The following NFIC variants were observed in gnomAD, a reference collection of about 807,000 sequenced individuals.
The protein encoded by NFIC is nuclear factor I C, also known as nuclear factor 1 C-type.
A neutral mutation model predicts 54.4 loss-of-function variants in NFIC; 12 were observed. The ratio of observed to expected loss-of-function variants is 0.22; its 90% CI spans 0.14 to 0.36. The LOEUF is 0.36. Among genes scored for constraint, NFIC ranks in the 10% least tolerant of loss-of-function variants. NFIC has a pLI of 1.00. For synonymous variants in NFIC, 322 were observed against 319.2 expected (o/e 1.01, Z -0.09); for missense variants, 575 against 718.2 (o/e 0.80, Z 2.28).
chr19:3,397,484 G>A (rs952837209), intron 2 of NFIC, among the ~76,000 whole-genome samples: 1 of 152,192 alleles, frequency 6.6e-6, no homozygotes, highest in African/African-American at 2.4e-5. Context: ...CTGGACCTGG[G>A]GAATCAGGGA....
intron 1 of NFIC, among the ~76,000 whole-genome samples, chr19:3,367,187 C>T (rs1238461950): frequency 6.6e-6 from 1 of 152,206 alleles, no homozygotes; most frequent in Non-Finnish European, 1.5e-5. Context: ...GCCGCCCTGG[C>T]CCTCGGTCGC....
chr19:3,374,514 C>CA (rs1460242745), intron 1 of NFIC, among the ~76,000 whole-genome samples: 5 of 152,172 alleles, frequency 3.3e-5, no homozygotes, highest in Non-Finnish European at 7.3e-5. Flanking sequence ...ACCTTACTGT[C>CA]ACCCAGCCAC....
intron 1 of NFIC, among the ~76,000 whole-genome samples, chr19:3,373,616 G>GGCC (rs1181448405): frequency 1.8e-5 from 2 of 112,342 alleles, no homozygotes; most frequent in Non-Finnish European, 3.8e-5. Context: ...GACCTTCCTG[G>GGCC]ACCCCCCCCC....
In NFIC at chr19:3,465,902, A is replaced by C. The variant is rs2082712213; in HGVS notation, c.*3133A>C. 8 of 144,254 alleles carry C rather than the reference A, an allele frequency of 5.5e-5. No individual in the cohort carries two copies. Among genetic ancestry groups the C allele is most frequent in the African/African-American group, 1.3e-4 (5 of 38,354 alleles). 8.9% of individuals were successfully genotyped at this position (144,254 alleles called of 1,614,324 possible). On this transcript the variant is annotated 3_prime_UTR_variant, in exon 11 of 11. Transcript: ENST00000443272. ...CCTCTCCCCTGCCCCGTGCATCCCC[A>C]CCCTTCTTGCCAAAGGACCTCTTTT...
chr19:3,456,762 C>T, intron 10 of NFIC, 127 bp downstream of exon 10: 1 of 922,618 alleles, frequency 1.1e-6, no homozygotes, highest in South Asian at 1.5e-5. Context: ...GCCAGCCTCC[C>T]ACACCCCACC....
In NFIC at chr19:3,429,550, C is replaced by T. The variant is rs546776343; in HGVS notation, c.635-3968C>T. Among the ~76,000 whole-genome samples the T allele has an allele frequency of 1.2e-4, 19 of 152,262 alleles. 1 individual carries two copies. In the South Asian group the frequency reaches 3.9e-3, roughly 32 times the overall value. On this transcript the variant is annotated intron_variant, in intron 3 of 10. Transcript: ENST00000443272. The stretch of plus-strand genomic sequence containing the variant: ...AGGCTGCAGTGAGCTATGATTGCAC[C>T]GCTGCACTCGAGCCTGGGCAACAGA...
At chr19:3,409,489 A>G (rs890365422) in intron 2 of NFIC, among the ~76,000 whole-genome samples, 3 of 151,896 alleles carry the variant, frequency 2.0e-5, no homozygotes, top group Non-Finnish European at 2.9e-5. Flanking sequence ...CTCCCTCCCC[A>G]CTTCCTTCTC....
At chr19:3,401,684 T>G (rs1194201823) in intron 2 of NFIC, among the ~76,000 whole-genome samples, 1 of 151,962 alleles carries the variant, frequency 6.6e-6, no homozygotes, top group Non-Finnish European at 1.5e-5. Context: ...GTCCCAGCCC[T>G]AACCCAGGTA....
At chr19:3,441,457 G>C (rs2082292487) in intron 6 of NFIC, among the ~76,000 whole-genome samples, 1 of 152,252 alleles carries the variant, frequency 6.6e-6, no homozygotes, top group Non-Finnish European at 1.5e-5. Flanking sequence ...AGCAAAGAAG[G>C]GGCAGAGCCC....
chr19:3,437,374 A>G (rs1568183058), intron 6 of NFIC, among the ~76,000 whole-genome samples: 1 of 151,902 alleles, frequency 6.6e-6, no homozygotes, highest in Admixed American at 6.6e-5. Flanking sequence ...TCTCAAAAAA[A>G]AAAAAAAATT....
chr19:3,387,994 C>T (rs766311965), intron 2 of NFIC, among the ~76,000 whole-genome samples: 7 of 152,022 alleles, frequency 4.6e-5, no homozygotes, highest in East Asian at 1.9e-4. Flanking sequence ...CAGGGCTGGG[C>T]GGGGGAGGGG....
At chr19:3,414,851 G>GT (rs1348889749) in intron 2 of NFIC, among the ~76,000 whole-genome samples, 1 of 151,620 alleles carries the variant, frequency 6.6e-6, no homozygotes, top group Non-Finnish European at 1.5e-5. Context: ...TTGTTTTTGT[G>GT]TTTTTTGAGA....
chr19:3,460,781 TG>T (rs2082627827), intron 10 of NFIC, among the ~76,000 whole-genome samples: 1 of 150,512 alleles, frequency 6.6e-6, no homozygotes, highest in African/African-American at 2.4e-5. Flanking sequence ...CCCAAAGTAC[TG>T]GGATTACAGG....
At chr19:3,415,862 T>A (rs1361514436) in intron 2 of NFIC, among the ~76,000 whole-genome samples, 1 of 151,910 alleles carries the variant, frequency 6.6e-6, no homozygotes, top group East Asian at 1.9e-4. Context: ...TCTGCCCTAT[T>A]ATTGCCTTCC....
intron 9 of NFIC, 199 bp downstream of exon 9, chr19:3,454,115 C>T (rs2082513931): frequency 2.2e-6 from 3 of 1,349,116 alleles, no homozygotes; most frequent in South Asian, 3.8e-5. Context: ...CTGGCCGGAC[C>T]AAGCCTCGGG....
At chr19:3,425,033 A>G in intron 2 of NFIC, 73 bp from the exon 3 acceptor site, 1 of 1,528,988 alleles carries the variant, frequency 6.5e-7, no homozygotes, top group South Asian at 1.2e-5. Context: ...TGGGGCCACC[A>G]GCATCGACAC....
intron 2 of NFIC, among the ~76,000 whole-genome samples, chr19:3,408,410 A>G (rs2081692128): frequency 6.6e-6 from 1 of 152,096 alleles, no homozygotes; most frequent in Non-Finnish European, 1.5e-5. Flanking sequence ...AGTTTCTTTA[A>G]AAATTGCTTT....
At chr19:3,434,972 T>C in intron 5 of NFIC, 111 bp from the exon 6 acceptor site, 1 of 1,367,394 alleles carries the variant, frequency 7.3e-7, no homozygotes. Context: ...CTCGCGATAC[T>C]ACCTCCCTCG....
chr19:3,372,875 C>T (rs1301876541), intron 1 of NFIC, among the ~76,000 whole-genome samples: 2 of 151,372 alleles, frequency 1.3e-5, no homozygotes, highest in African/African-American at 4.9e-5. Flanking sequence ...AACAGAGTCT[C>T]GCTCTGTCGC....
Sources: allele counts gnomAD v4.1 joint callset (sites outside exome capture counted in the v4.1 genomes callset), GRCh38; gene constraint gnomAD v4.1.1; transcripts MANE v1.5; gene names NCBI Gene and HGNC (gene_info 2026-07-23, HGNC 2026-07-21).